Variants in BAIAP2L1 observed in about 807,000 individuals in gnomAD.
BAIAP2L1 encodes the protein BAR/IMD domain containing adaptor protein 2 like 1, also known as BAR/IMD domain-containing adapter protein 2-like 1.
In BAIAP2L1, 35 loss-of-function variants were observed where a neutral mutation model predicts 66.3. The ratio of observed to expected loss-of-function variants is 0.53; its 90% CI spans 0.40 to 0.70. BAIAP2L1 has a LOEUF of 0.70. Ranked by LOEUF, BAIAP2L1 falls within the 30% of genes least tolerant of loss-of-function variation. The probability of loss-of-function intolerance (pLI) is 0.00; values close to 1 mark genes in which losing one functional copy is unlikely to be tolerated. For missense variants in BAIAP2L1, 622 were observed against 656.9 expected (o/e 0.95, Z 0.58); for synonymous variants, 269 against 248.7 (o/e 1.08, Z -0.77).
At chr7:98,297,152 C>T (rs34129434) in intron 12 of BAIAP2L1, among the ~76,000 whole-genome samples, 61,258 of 152,178 alleles carry the variant, frequency 0.4, 13,449 homozygotes, top group Middle Eastern at 0.54. Flanking sequence ...GGCCACCAAG[C>T]GGCTGACTGC....
At chr7:98,355,210 C>G (rs1437504225) in intron 2 of BAIAP2L1, 82 bp from the exon 3 acceptor site, 5 of 925,754 alleles carry the variant, frequency 5.4e-6, no homozygotes, top group Non-Finnish European at 8.7e-6. Flanking sequence ...CAAACACCCC[C>G]TGGTCCCTTC....
chr7:98,349,731 C>T (rs1003836848), intron 3 of BAIAP2L1, among the ~76,000 whole-genome samples: 4 of 151,436 alleles, frequency 2.6e-5, no homozygotes, highest in Admixed American at 2.6e-4. Flanking sequence ...AAAATACGGC[C>T]GGGGATGGTG....
chr7:98,372,794 A>G (rs1802541192), intron 1 of BAIAP2L1, among the ~76,000 whole-genome samples: 2 of 128,580 alleles, frequency 1.6e-5, no homozygotes, highest in Non-Finnish European at 3.1e-5. Context: ...GCTGGAATGT[A>G]GTGGCCAGTG....
intron 3 of BAIAP2L1, among the ~76,000 whole-genome samples, chr7:98,354,732 C>T (rs567398758): frequency 1.2e-4 from 19 of 152,256 alleles, no homozygotes; most frequent in African/African-American, 3.4e-4. Context: ...CCAGGAGGCC[C>T]GGCTCGCCCA....
At chr7:98,365,699 A>G (rs1235063139) in intron 1 of BAIAP2L1, among the ~76,000 whole-genome samples, 1 of 152,042 alleles carries the variant, frequency 6.6e-6, no homozygotes, top group Admixed American at 6.6e-5. Context: ...AGACTGGTCT[A>G]AAACTCCTGA....
At chr7:98,300,941 C>T (rs1800395399) in intron 12 of BAIAP2L1, among the ~76,000 whole-genome samples, 2 of 152,196 alleles carry the variant, frequency 1.3e-5, no homozygotes, top group African/African-American at 4.8e-5. Context: ...TCCCCTGATG[C>T]GTCCCAGGAA....
chr7:98,367,737 T>C (rs1802419405), intron 1 of BAIAP2L1, among the ~76,000 whole-genome samples: 1 of 151,978 alleles, frequency 6.6e-6, no homozygotes, highest in South Asian at 2.1e-4. Context: ...GGTTTCACTG[T>C]TAGCCAGGAT....
rs146873806 is a variant in BAIAP2L1, at chr7:98,377,027, T to C, written c.52-14595A>G. On this transcript the variant is annotated intron_variant, in intron 1 of 13. Transcript: ENST00000005260. ...TCAAAAGCCTGAGGACAAATTGAGG[T>C]TTCCCTAAGGAAGAAGATATTCTGC... Among the ~76,000 whole-genome samples, 12 of 152,256 alleles carry C rather than the reference T, an allele frequency of 7.9e-5. No individual in the cohort carries two copies. In the East Asian group the frequency reaches 2.3e-3, roughly 29 times the overall value.
At chr7:98,345,925 AAAAG>A (rs932843695) in intron 3 of BAIAP2L1, among the ~76,000 whole-genome samples, 2 of 152,152 alleles carry the variant, frequency 1.3e-5, no homozygotes, top group African/African-American at 4.8e-5. Context: ...CTAAAAAAAA[AAAAG>A]AGACAATAAC....
intron 3 of BAIAP2L1, among the ~76,000 whole-genome samples, chr7:98,353,961 C>CAATAAAATAA (rs72080714): frequency 2.8e-4 from 39 of 139,340 alleles, no homozygotes; most frequent in African/African-American, 1.0e-3. Flanking sequence ...GACTCTGTCT[C>CAATAAAATAA]AATAAAATAA....
chr7:98,375,349 C>A (rs1024810813), intron 1 of BAIAP2L1, among the ~76,000 whole-genome samples: 1 of 150,854 alleles, frequency 6.6e-6, no homozygotes, highest in Admixed American at 6.6e-5. Flanking sequence ...AGCCGACATC[C>A]GGCCACTGCA....
Position 98,301,964 on chromosome 7 carries a change from C to T in BAIAP2L1, c.1422+2232G>A, listed in dbSNP as rs537185622. On this transcript the variant is annotated intron_variant, in intron 12 of 13. Transcript: ENST00000005260. ...GCCCAACCCTCCAGGTCAGGGCCCT[C>T]GGGGACAGTGGTGTGCTTAAAGCTC... 3.9e-5 allele frequency among the ~76,000 whole-genome samples: 6 copies of T among 152,210 alleles called. No individual in the cohort carries two copies. In the South Asian group the frequency reaches 1.0e-3, roughly 26 times the overall value.
chr7:98,355,090 C>T lies in BAIAP2L1; in HGVS notation c.166G>A (p.Ala56Thr), dbSNP rs773006180. ...CCAGTGGCAATCTCACCGATCTTGG[C>T]CACTCCATCGTAGTAGGCTTTTCCT... ...LAGKAYYDGV[A>T]KIGEIATGSP... Residue 56 changes from alanine (A) to threonine (T), a missense_variant, in exon 3 of 14, where the codon GCC (alanine) becomes ACC (threonine). Physicochemically the swap from Ala to Thr is moderately conservative, Grantham distance 58. Transcript: ENST00000005260. The T allele has an allele frequency of 1.2e-6, 2 of 1,613,972 alleles. No individual in the cohort carries two copies. Among genetic ancestry groups the T allele is most frequent in the South Asian group, 1.1e-5 (1 of 91,078 alleles).
Position 98,294,082 on chromosome 7 carries a change from A to G in BAIAP2L1, c.1452T>C (p.Pro484=). The change falls in exon 13 of 14, where the codon CCT becomes CCC. Residue 484 remains proline, a synonymous_variant. Coordinates refer to ENST00000005260, the MANE Select transcript of BAIAP2L1 (RefSeq NM_018842.5). ...TAGGAAGCCACGCCTACCTGAGAAA[A>G]GGCGGCTTTGCAGTCCCGTTGGCAT... ...PNDANGTAKP[P]FLSGENPFAT... 3.7e-6 allele frequency: 6 copies of G among 1,614,142 alleles called. No homozygotes were observed. The highest frequency in any genetic ancestry group is 5.1e-6 in the Non-Finnish European group (6 of 1,179,936).
At chr7:98,325,234 T>C (rs755304298) in intron 3 of BAIAP2L1, among the ~76,000 whole-genome samples, 3 of 151,680 alleles carry the variant, frequency 2.0e-5, no homozygotes, top group Admixed American at 6.6e-5. Context: ...AATACAAAAA[T>C]TAGCTGGGCA....
At chr7:98,346,569 CAAAT>C (rs898802444) in intron 3 of BAIAP2L1, among the ~76,000 whole-genome samples, 1 of 152,034 alleles carries the variant, frequency 6.6e-6, no homozygotes, top group African/African-American at 2.4e-5. Context: ...AAGGTACTCT[CAAAT>C]AAACACAAAG....
chr7:98,297,993 G>A (rs544420620), intron 12 of BAIAP2L1, among the ~76,000 whole-genome samples: 1 of 152,342 alleles, frequency 6.6e-6, no homozygotes, highest in South Asian at 2.1e-4. Flanking sequence ...CACCTTGGGA[G>A]GCCAAGGCAG....
intron 1 of BAIAP2L1, chr7:98,386,600 G>C (rs193257561): frequency 1.0e-5 from 16 of 1,580,774 alleles, no homozygotes; most frequent in Middle Eastern, 2.3e-4. Context: ...TGGTCAGAGA[G>C]CCAAAAGCAG....
Position 98,292,797 on chromosome 7 carries a change from C to G in BAIAP2L1, c.*724G>C. The G allele has an allele frequency of 6.5e-7, 1 of 1,539,200 alleles. No homozygotes were observed. Among genetic ancestry groups the G allele is most frequent in the Non-Finnish European group, 8.8e-7 (1 of 1,139,818 alleles). The stretch of plus-strand genomic sequence containing the variant: ...AACACAAGGAGCCGTGACTCCGACG[C>G]CCAGGCCTGTGTCCTGGATGGGCCG... On this transcript the variant is annotated 3_prime_UTR_variant, in exon 14 of 14. Transcript: ENST00000005260.
Sources: gnomAD v4.1 joint callset for allele counts (sites outside exome capture counted in the v4.1 genomes callset) on GRCh38, gnomAD v4.1.1 for gene constraint, MANE v1.5 for transcripts, NCBI Gene and HGNC (gene_info 2026-07-23, HGNC 2026-07-21) for gene names.